The following HOOK1 variants were observed in gnomAD, a reference collection of about 807,000 sequenced individuals.
The protein encoded by HOOK1 is protein Hook homolog 1.
A neutral mutation model predicts 112.8 loss-of-function variants in HOOK1; 60 were observed. The ratio of observed to expected loss-of-function variants is 0.53; its 90% CI spans 0.43 to 0.66. HOOK1 has a LOEUF of 0.66. Ranked by LOEUF, HOOK1 falls within the 30% of genes least tolerant of loss-of-function variation. HOOK1 has a pLI of 0.00. For missense variants in HOOK1, 770 were observed against 856.0 expected, an observed-to-expected ratio of 0.90 and a Z score of 1.25; for synonymous variants, 294 against 283.8, an observed-to-expected ratio of 1.04 and a Z score of -0.36.
chr1:59,834,035 C>G (rs1173655477), intron 5 of HOOK1, among the ~76,000 whole-genome samples: 2 of 152,046 alleles, frequency 1.3e-5, no homozygotes, highest in African/African-American at 4.8e-5. Flanking sequence ...ATTGGTATAT[C>G]CAAACACAGT....
intron 19 of HOOK1, 60 bp downstream of exon 19, chr1:59,866,032 T>G: frequency 1.1e-6 from 1 of 883,562 alleles, no homozygotes; most frequent in Non-Finnish European, 1.8e-6. Context: ...CAAGGCTCAT[T>G]TCACTGGATT....
chr1:59,862,192 G>A (rs1221351753), intron 15 of HOOK1, among the ~76,000 whole-genome samples: 1 of 152,160 alleles, frequency 6.6e-6, no homozygotes. Flanking sequence ...ATTATAGCAG[G>A]CAGGTGAGTG....
chr1:59,816,145 G>T (rs1305230022), intron 1 of HOOK1, among the ~76,000 whole-genome samples: 2 of 152,186 alleles, frequency 1.3e-5, no homozygotes, highest in Non-Finnish European at 2.9e-5. Context: ...AAACAGACGG[G>T]ATCAGGAGGC....
At chr1:59,858,094 C>T (rs1454114269) in intron 12 of HOOK1, among the ~76,000 whole-genome samples, 1 of 152,160 alleles carries the variant, frequency 6.6e-6, no homozygotes, top group Non-Finnish European at 1.5e-5. Flanking sequence ...TTGCCTAAGA[C>T]AATATAGCTA....
At chr1:59,848,867 T>G (rs1193227831) in intron 11 of HOOK1, among the ~76,000 whole-genome samples, 4 of 151,632 alleles carry the variant, frequency 2.6e-5, no homozygotes, top group Non-Finnish European at 5.9e-5. Context: ...TTAATTTCTT[T>G]GGCAAAACTA....
chr1:59,815,212 CCA>C (rs1427401507), intron 1 of HOOK1, 32 bp downstream of exon 1: 23 of 1,535,704 alleles, frequency 1.5e-5, no homozygotes, highest in Non-Finnish European at 2.0e-5. Flanking sequence ...GGCGAGGGGG[CCA>C]GGGGGCCGAG....
intron 13 of HOOK1, 62 bp from the exon 14 acceptor site, chr1:59,858,923 G>A (rs1332756056): frequency 5.2e-6 from 5 of 960,870 alleles, no homozygotes; most frequent in Non-Finnish European, 8.1e-6. Context: ...GGGGGAAGGA[G>A]GGAGGGTTTT....
At chr1:59,836,012 C>T (rs1416894962) in intron 6 of HOOK1, among the ~76,000 whole-genome samples, 1 of 152,048 alleles carries the variant, frequency 6.6e-6, no homozygotes, top group East Asian at 1.9e-4. Flanking sequence ...GATAAACAGT[C>T]TCTGACCAGA....
chr1:59,869,969 T>A (rs1051583489), intron 20 of HOOK1, among the ~76,000 whole-genome samples: 7 of 152,172 alleles, frequency 4.6e-5, no homozygotes, highest in Admixed American at 1.3e-4. Context: ...AAGCCTATCT[T>A]TTATCTCTGT....
chr1:59,860,776 TC>T, intron 15 of HOOK1, among the ~76,000 whole-genome samples: 1 of 133,674 alleles, frequency 7.5e-6, no homozygotes, highest in South Asian at 2.1e-4. Context: ...TTCTTCTCTT[TC>T]TTTTTTTTTT....
In HOOK1 at chr1:59,822,150, AAC is replaced by A. The variant is rs565934776; in HGVS notation, c.149+208_149+209del. ...TGGCTTGTTCATAGAGATACATCTT[AAC>A]TGGATATGTGATCAGGATTCTTATT... is the stretch of plus-strand genomic sequence containing the variant. On this transcript the variant is annotated intron_variant, in intron 2 of 21. Transcript: ENST00000371208. 3.3e-5 allele frequency among the ~76,000 whole-genome samples: 5 copies of A among 152,326 alleles called. No individual in the cohort carries two copies. The East Asian group carries it at 9.6e-4, about 29-fold the overall frequency.
At chr1:59,863,867 C>T (rs767940148) in intron 16 of HOOK1, 165 of 941,208 alleles carry the variant, frequency 1.8e-4, no homozygotes, top group Non-Finnish European at 1.8e-4. Context: ...TGCATATATA[C>T]GGTATTGTAA....
chr1:59,855,957 T>TAAAAAAAA lies in HOOK1; in HGVS notation c.1243-2470_1243-2469insAAAAAAAA, dbSNP rs1418665294. ...CCCAGCTAATTTATATATATATATA[T>TAAAAAAAA]ATAAATTATTATATATATATATATA... On this transcript the variant is annotated intron_variant, in intron 12 of 21. Transcript: ENST00000371208. Among the ~76,000 whole-genome samples, 109 of 104,450 alleles carry TAAAAAAAA rather than the reference T, an allele frequency of 1.0e-3. 2 individuals are homozygous for TAAAAAAAA. Among genetic ancestry groups the TAAAAAAAA allele is most frequent in the African/African-American group, 3.6e-3 (84 of 23,262 alleles). 68.5% of individuals were successfully genotyped at this position (104,450 alleles called of 152,430 possible).
At chr1:59,822,618 C>A (rs536631973) in intron 2 of HOOK1, among the ~76,000 whole-genome samples, 124 of 152,246 alleles carry the variant, frequency 8.1e-4, no homozygotes, top group African/African-American at 2.7e-3. Context: ...ATGAGCTGCA[C>A]CCTAAGTAGG....
intron 21 of HOOK1, 82 bp downstream of exon 21, chr1:59,871,192 A>C (rs1045696576): frequency 1.1e-6 from 1 of 881,612 alleles, no homozygotes; most frequent in African/African-American, 1.7e-5. Context: ...ATAAGAAAAT[A>C]TATTTTATCT....
intron 12 of HOOK1, among the ~76,000 whole-genome samples, chr1:59,855,975 TATATA>T (rs2098410433): frequency 3.6e-5 from 3 of 83,610 alleles, no homozygotes; most frequent in Non-Finnish European, 5.0e-5. Flanking sequence ...ATTATATATA[TATATA>T]TATATTTTTT....
chr1:59,835,978 A>G (rs574873355), intron 6 of HOOK1, among the ~76,000 whole-genome samples: 1 of 152,132 alleles, frequency 6.6e-6, no homozygotes, highest in African/African-American at 2.4e-5. Flanking sequence ...CCTTTAAATA[A>G]CTTCAACTAA....
At position 59,862,773 on chromosome 1, in the gene HOOK1, T is replaced by C; in HGVS notation, c.1533-11T>C. The stretch of plus-strand genomic sequence containing the variant: ...AATACAAGTAAATGCTTATGACCCA[T>C]CTTACAATAGGCTGAGCAAAGAGCG... On this transcript the variant is annotated splice_polypyrimidine_tract_variant and intron_variant, in intron 15 of 21. Coordinates refer to ENST00000371208, the MANE Select transcript of HOOK1 (RefSeq NM_015888.6). The C allele has an allele frequency of 6.4e-7, 1 of 1,571,536 alleles. No individual in the cohort carries two copies. Among genetic ancestry groups the C allele is most frequent in the Non-Finnish European group, 8.8e-7 (1 of 1,141,906 alleles).
intron 6 of HOOK1, among the ~76,000 whole-genome samples, chr1:59,835,787 G>GT (rs1374979591): frequency 2.6e-5 from 4 of 152,052 alleles, no homozygotes; most frequent in Non-Finnish European, 5.9e-5. Context: ...TTAGATTCAC[G>GT]TAAGAAGCGT....
Sources: gnomAD v4.1 joint callset for allele counts (sites outside exome capture counted in the v4.1 genomes callset) on GRCh38, gnomAD v4.1.1 for gene constraint, MANE v1.5 for transcripts, NCBI Gene and HGNC (gene_info 2026-07-23, HGNC 2026-07-21) for gene names.